Variants in TRMT2B observed in about 807,000 individuals in gnomAD.
The protein encoded by TRMT2B is tRNA (uracil-5-)-methyltransferase homolog B.
A neutral mutation model predicts 39.7 loss-of-function variants in TRMT2B; 34 were observed. The ratio of observed to expected loss-of-function variants is 0.86; its 90% CI spans 0.65 to 1.14. The LOEUF (loss-of-function observed/expected upper bound fraction) is 1.14, where lower values mean the gene tolerates loss of function less well. Ranked by LOEUF, TRMT2B falls within the 50% of genes most tolerant of loss-of-function variation. The pLI, the probability that TRMT2B is intolerant of heterozygous loss-of-function variation, is 0.00. For synonymous variants in TRMT2B, 132 were observed against 137.3 expected (o/e 0.96, Z 0.27); for missense variants, 318 against 377.2 (o/e 0.84, Z 1.30).
the TRMT2B span, chrX:100,985,846 A>C: frequency 5.8e-6 from 7 of 1,211,671 alleles, no homozygotes; most frequent in Non-Finnish European, 7.8e-6. Context: ...CATAAGACGC[A>C]TGCAGGAAGT....
the TRMT2B span, among the ~76,000 whole-genome samples, chrX:100,994,374 G>A: frequency 1.8e-5 from 2 of 111,636 alleles, no homozygotes; most frequent in Non-Finnish European, 3.8e-5. Flanking sequence ...CCCGTCAGAG[G>A]CACTTGCAGC....
chrX:100,990,673 G>A, the TRMT2B span: 62 of 964,465 alleles, frequency 6.4e-5, no homozygotes, highest in Non-Finnish European at 8.6e-5. Context: ...TCTTTGTACC[G>A]AGATGCTGCT....
the TRMT2B span, among the ~76,000 whole-genome samples, chrX:100,982,503 AAAT>A: frequency 3.7e-5 from 4 of 106,768 alleles, no homozygotes; most frequent in East Asian, 1.2e-3. Flanking sequence ...ATAAATAAAT[AAAT>A]AAAATGCTCT....
the TRMT2B span, among the ~76,000 whole-genome samples, chrX:100,976,428 C>T: frequency 1.8e-5 from 2 of 110,919 alleles, no homozygotes; most frequent in East Asian, 5.7e-4. Context: ...ATTCATAAAT[C>T]TATTGGTTGT....
intron 13 of TRMT2B, among the ~76,000 whole-genome samples, chrX:101,012,823 A>T (rs112447224): frequency 1.3e-4 from 13 of 103,572 alleles, no homozygotes; most frequent in African/African-American, 2.4e-4. Flanking sequence ...GAAATTTATT[A>T]TTTTTTTTTT....
the TRMT2B span, chrX:100,973,888 G>T: frequency 1.4e-6 from 1 of 704,761 alleles, no homozygotes; most frequent in East Asian, 3.4e-5. Flanking sequence ...TGGGGGCAGG[G>T]TTGAGGAGGG....
the TRMT2B span, among the ~76,000 whole-genome samples, chrX:101,003,852 A>G: frequency 9.0e-6 from 1 of 111,050 alleles, no homozygotes. Flanking sequence ...GTTTTTTGAG[A>G]CAGGATCTTG....
intron 7 of TRMT2B, among the ~76,000 whole-genome samples, chrX:101,032,369 C>T (rs1162292072): frequency 1.9e-5 from 2 of 107,740 alleles, no homozygotes; most frequent in African/African-American, 6.8e-5. Context: ...GGGCGAATCA[C>T]GAGGTCAGGA....
the TRMT2B span, among the ~76,000 whole-genome samples, chrX:100,994,021 C>T: frequency 9.8e-5 from 11 of 111,776 alleles, no homozygotes; most frequent in Admixed American, 9.5e-4. Context: ...GGAAGGAGCT[C>T]GGTGAGATCA....
intron 13 of TRMT2B, among the ~76,000 whole-genome samples, chrX:101,018,710 C>T (rs1392110784): frequency 9.0e-6 from 1 of 111,552 alleles, no homozygotes; most frequent in Non-Finnish European, 1.9e-5. Context: ...ACCTCGGCCT[C>T]CCAAAGTGCT....
the TRMT2B span, chrX:100,990,415 A>G: frequency 2.1e-6 from 2 of 950,212 alleles, no homozygotes; most frequent in African/African-American, 2.0e-5. Flanking sequence ...TCCCTCCCTT[A>G]GCAAACAGGT....
chrX:101,016,224 G>A lies in TRMT2B; in HGVS notation c.1388+2747C>T, dbSNP rs181947448. Reference sequence around the variant, plus strand: ...TAGCTGAAGAAGATACCAAACACCCGTTAGCAATCAAGCCCCATTTAATCT... The same window carrying A: ...TAGCTGAAGAAGATACCAAACACCCATTAGCAATCAAGCCCCATTTAATCT... On this transcript the variant is annotated intron_variant, in intron 13 of 13. Coordinates refer to ENST00000372936, the MANE Select transcript of TRMT2B (RefSeq NM_024917.6). 3.1e-4 allele frequency among the ~76,000 whole-genome samples: 34 copies of A among 111,441 alleles called. No homozygotes were observed. In the East Asian group the frequency reaches 5.9e-3, roughly 19 times the overall value.
At chrX:100,995,754 A>G in the TRMT2B span, among the ~76,000 whole-genome samples, 428 of 112,382 alleles carry the variant, frequency 3.8e-3, no homozygotes, top group South Asian at 0.034. Flanking sequence ...CAGCCATTAA[A>G]GATGGCAATT....
At position 101,015,704 on chromosome X, in the gene TRMT2B, G is replaced by A. The variant is rs773229060; in HGVS notation, c.1388+3267C>T. 5.8e-5 allele frequency: 30 copies of A among 520,441 alleles called. No homozygotes were observed. In the African/African-American group the frequency reaches 7.5e-4, roughly 13 times the overall value. 42.9% of individuals were successfully genotyped at this position (520,441 alleles called of 1,213,427 possible). A position where few individuals can be genotyped will look rare whatever the true frequency, so the allele number is the denominator to read the frequency against. ...CAAATTATTTTCCAGTTTGTATGCT[G>A]TCTCCTGTCTTTGCTTACAGTGCTT... is the stretch of plus-strand genomic sequence containing the variant. On this transcript the variant is annotated intron_variant, in intron 13 of 13. Transcript: ENST00000372936.
intron 7 of TRMT2B, among the ~76,000 whole-genome samples, chrX:101,024,545 C>T (rs1459305155): frequency 9.0e-6 from 1 of 110,673 alleles, no homozygotes; most frequent in African/African-American, 3.3e-5. Flanking sequence ...AAAATTAGGC[C>T]GGGTGCAGTG....
chrX:101,033,269 A>G (rs1242889517), intron 7 of TRMT2B, among the ~76,000 whole-genome samples: 1 of 108,093 alleles, frequency 9.3e-6, no homozygotes, highest in Non-Finnish European at 1.9e-5. Flanking sequence ...AAAAAAAAAA[A>G]AGAAAGAAAA....
At chrX:100,998,049 G>A in the TRMT2B span, among the ~76,000 whole-genome samples, 4 of 110,770 alleles carry the variant, frequency 3.6e-5, no homozygotes, top group Admixed American at 9.7e-5. Flanking sequence ...GAGGTCAGGC[G>A]TTTGAGACCA....
At chrX:101,037,695 T>C (rs1602637347) in intron 5 of TRMT2B, among the ~76,000 whole-genome samples, 1 of 111,610 alleles carries the variant, frequency 9.0e-6, no homozygotes, top group Non-Finnish European at 1.9e-5. Context: ...TCTAGATGTG[T>C]GTCCTGGGCA....
chrX:100,997,938 T>C, the TRMT2B span, among the ~76,000 whole-genome samples: 1 of 111,699 alleles, frequency 9.0e-6, no homozygotes, highest in Non-Finnish European at 1.9e-5. Flanking sequence ...TTGGTTTGAC[T>C]TGCCTAAAAT....
Sources: gnomAD v4.1 joint callset for allele counts (sites outside exome capture counted in the v4.1 genomes callset) on GRCh38, gnomAD v4.1.1 for gene constraint, MANE v1.5 for transcripts, NCBI Gene and HGNC (gene_info 2026-07-23, HGNC 2026-07-21) for gene names.